The following DLG2 variants were observed in gnomAD, a reference collection of about 807,000 sequenced individuals.
The protein encoded by DLG2 is discs large MAGUK scaffold protein 2.
In DLG2, 45 loss-of-function variants were observed where a neutral mutation model predicts 132.5. That is an observed-to-expected ratio of 0.34 (90% CI 0.27 to 0.44). The LOEUF is 0.44. Ranked by LOEUF, DLG2 falls within the 20% of genes least tolerant of loss-of-function variation. The pLI, the probability that DLG2 is intolerant of heterozygous loss-of-function variation, is 1.00. For synonymous variants in DLG2, 424 were observed against 419.6 expected (o/e 1.01, Z -0.13); for missense variants, 1,045 against 1,196.9 (o/e 0.87, Z 1.87).
At chr11:83,523,648 T>C (rs1381931893) in intron 21 of DLG2, among the ~76,000 whole-genome samples, 3 of 152,170 alleles carry the variant, frequency 2.0e-5, no homozygotes, top group Admixed American at 2.0e-4. Flanking sequence ...GCAATGGTTA[T>C]AAAAATAATA....
intron 9 of DLG2, among the ~76,000 whole-genome samples, chr11:84,114,801 A>G (rs922801164): frequency 1.3e-5 from 2 of 149,974 alleles, no homozygotes; most frequent in Non-Finnish European, 3.0e-5. Flanking sequence ...AGCTGGGAAT[A>G]CAGGCACAAA....
chr11:85,376,628 A>G (rs2085425971), intron 3 of DLG2, among the ~76,000 whole-genome samples: 1 of 152,222 alleles, frequency 6.6e-6, no homozygotes. Flanking sequence ...ATATGAAAAT[A>G]AATGTTCTTA....
intron 9 of DLG2, among the ~76,000 whole-genome samples, chr11:84,149,801 A>T (rs1303726025): frequency 6.6e-6 from 1 of 152,070 alleles, no homozygotes; most frequent in Non-Finnish European, 1.5e-5. Context: ...ATGACATTGC[A>T]TCTCGTGATG....
chr11:85,605,610 C>T (rs2080473009), intron 2 of DLG2, among the ~76,000 whole-genome samples: 1 of 152,182 alleles, frequency 6.6e-6, no homozygotes, highest in African/African-American at 2.4e-5. Context: ...TCTACCCTCA[C>T]AGAGATTTTA....
chr11:85,030,609 C>T (rs1382807799), intron 6 of DLG2, among the ~76,000 whole-genome samples: 1 of 152,030 alleles, frequency 6.6e-6, no homozygotes, highest in African/African-American at 2.4e-5. Context: ...GAAGAAAGTT[C>T]CCTTTACTCC....
chr11:84,686,633 T>G (rs1200175326), intron 6 of DLG2, among the ~76,000 whole-genome samples: 2 of 120,858 alleles, frequency 1.7e-5, no homozygotes, highest in African/African-American at 2.9e-5. Context: ...CCTTGAGGTT[T>G]TTTTTTTTTT....
chr11:83,694,835 C>T (rs930438070), intron 18 of DLG2, among the ~76,000 whole-genome samples: 4 of 152,210 alleles, frequency 2.6e-5, no homozygotes, highest in Non-Finnish European at 5.9e-5. Flanking sequence ...GATGAAAGAT[C>T]GGAATGTGGC....
At chr11:84,726,150 T>C (rs2062425573) in intron 6 of DLG2, among the ~76,000 whole-genome samples, 1 of 152,162 alleles carries the variant, frequency 6.6e-6, no homozygotes, top group South Asian at 2.1e-4. Context: ...AGTTCTGAGG[T>C]ACATGTGCAG....
At chr11:85,332,968 T>G (rs2081871200) in intron 3 of DLG2, among the ~76,000 whole-genome samples, 1 of 152,198 alleles carries the variant, frequency 6.6e-6, no homozygotes, top group Non-Finnish European at 1.5e-5. Context: ...TTTGAATACC[T>G]TTTTCTAATT....
chr11:84,862,368 G>T (rs2083844185), intron 6 of DLG2, among the ~76,000 whole-genome samples: 1 of 150,902 alleles, frequency 6.6e-6, no homozygotes, highest in Non-Finnish European at 1.5e-5. Flanking sequence ...TTACACTGTT[G>T]GTGGGAGTGT....
At chr11:84,592,972 A>AAAAAAAAAAAAAAAAT (rs2099547387) in intron 6 of DLG2, among the ~76,000 whole-genome samples, 1 of 130,820 alleles carries the variant, frequency 7.6e-6, no homozygotes, top group Admixed American at 7.6e-5. Flanking sequence ...AAAAAAAAAA[A>AAAAAAAAAAAAAAAAT]GTTGGGCATG....
intron 6 of DLG2, among the ~76,000 whole-genome samples, chr11:84,943,064 A>G (rs2049677562): frequency 6.6e-6 from 1 of 151,840 alleles, no homozygotes; most frequent in Admixed American, 6.6e-5. Context: ...GTTTCCATTT[A>G]CATTAAATAT....
intron 14 of DLG2, among the ~76,000 whole-genome samples, chr11:83,939,703 AC>A (rs112487117): frequency 0.14 from 21,464 of 151,966 alleles, 1,553 homozygotes; most frequent in Middle Eastern, 0.17. Context: ...TAAAATTCAC[AC>A]CCCCCACAAG....
chr11:84,060,706 A>C (rs2096577999), intron 10 of DLG2, among the ~76,000 whole-genome samples: 2 of 152,140 alleles, frequency 1.3e-5, no homozygotes. Context: ...TTGAGATTAC[A>C]AAAATTTCTT....
intron 6 of DLG2, among the ~76,000 whole-genome samples, chr11:85,039,666 C>T (rs549996342): frequency 6.6e-6 from 1 of 151,550 alleles, no homozygotes; most frequent in African/African-American, 2.4e-5. Context: ...TGAATTAGCA[C>T]GAGAAACAGG....
chr11:84,571,195 TTCTGCCTCTCAC>T (rs1018951163), intron 6 of DLG2, among the ~76,000 whole-genome samples: 9 of 152,152 alleles, frequency 5.9e-5, no homozygotes, highest in Non-Finnish European at 1.2e-4. Context: ...AACAGTTGTT[TTCTGCCTCTCAC>T]TCCCCTACCT....
chr11:85,330,777 TA>T (rs1278273258), intron 3 of DLG2, among the ~76,000 whole-genome samples: 442 of 43,310 alleles, frequency 0.01, 2 homozygotes, highest in African/African-American at 0.029. Context: ...TAGAGTATAA[TA>T]AAAAAAAAAA....
chr11:84,613,755 T>A (rs770086952), intron 6 of DLG2, among the ~76,000 whole-genome samples: 5 of 152,168 alleles, frequency 3.3e-5, no homozygotes, highest in Admixed American at 1.3e-4. Context: ...TTTCAGAACC[T>A]ACTACTCTAA....
At chr11:85,317,148 G>A (rs2080740471) in intron 3 of DLG2, among the ~76,000 whole-genome samples, 1 of 151,898 alleles carries the variant, frequency 6.6e-6, no homozygotes, top group Admixed American at 6.6e-5. Context: ...TCTGACGCAG[G>A]AAGCAACATA....
Sources: gnomAD v4.1 joint callset for allele counts (sites outside exome capture counted in the v4.1 genomes callset) on GRCh38, gnomAD v4.1.1 for gene constraint, MANE v1.5 for transcripts, NCBI Gene and HGNC (gene_info 2026-07-23, HGNC 2026-07-21) for gene names.